Variants in SPAG16 observed in about 807,000 individuals in gnomAD.
The protein encoded by SPAG16 is sperm associated antigen 16.
In SPAG16, 86 loss-of-function variants were observed where a neutral mutation model predicts 80.4. The ratio of observed to expected loss-of-function variants is 1.07; its 90% CI spans 0.90 to 1.28. SPAG16 has a LOEUF of 1.28. SPAG16 is among the 50% of genes most tolerant of loss of function. The pLI is 0.00. For missense variants in SPAG16, 870 were observed against 765.3 expected (o/e 1.14, Z -1.61); for synonymous variants, 294 against 265.9 (o/e 1.11, Z -1.03).
chr2:214,005,536 G>T (rs933686407), intron 12 of SPAG16, among the ~76,000 whole-genome samples: 2 of 152,154 alleles, frequency 1.3e-5, no homozygotes, highest in African/African-American at 4.8e-5. Flanking sequence ...GAGATGCTCA[G>T]ACCACGTGAT....
intron 10 of SPAG16, among the ~76,000 whole-genome samples, chr2:213,703,909 T>C (rs79649105): frequency 0.025 from 3,814 of 152,320 alleles, 70 homozygotes; most frequent in Middle Eastern, 0.041. Context: ...TTCACAGATA[T>C]TACCTTCCAA....
At position 214,255,749 on chromosome 2, in the gene SPAG16, T is replaced by A. The variant is rs180835980; in HGVS notation, c.1720+106483T>A. The stretch of plus-strand genomic sequence containing the variant: ...TGACTACAGTAAAGCTGCAAATAAA[T>A]GGAATCTTTTGTGTAAGATTTCTTC... On this transcript the variant is annotated intron_variant, in intron 15 of 15. Coordinates refer to ENST00000331683, the MANE Select transcript of SPAG16 (RefSeq NM_024532.5). 2.3e-3 allele frequency among the ~76,000 whole-genome samples: 352 copies of A among 152,114 alleles called. 6 individuals carry two copies. Among genetic ancestry groups the A allele is most frequent in the African/African-American group, 8.0e-3 (333 of 41,558 alleles).
At chr2:214,373,982 G>GC (rs1416169756) in intron 15 of SPAG16, among the ~76,000 whole-genome samples, 1 of 152,168 alleles carries the variant, frequency 6.6e-6, no homozygotes, top group African/African-American at 2.4e-5. Context: ...TTATCCCTGA[G>GC]CTTGTCAGTC....
At chr2:213,675,707 G>A (rs915434002) in intron 10 of SPAG16, among the ~76,000 whole-genome samples, 29 of 151,960 alleles carry the variant, frequency 1.9e-4, no homozygotes, top group Middle Eastern at 3.4e-3. Flanking sequence ...GATTTGTGGC[G>A]TTATTTCTGA....
chr2:214,291,600 C>G, intron 15 of SPAG16, among the ~76,000 whole-genome samples: 1 of 152,094 alleles, frequency 6.6e-6, no homozygotes, highest in Non-Finnish European at 1.5e-5. Flanking sequence ...CCACCGCGCC[C>G]GGCCTAGATC....
chr2:213,624,980 G>A (rs921466011), intron 10 of SPAG16, among the ~76,000 whole-genome samples: 5 of 151,916 alleles, frequency 3.3e-5, no homozygotes, highest in South Asian at 2.1e-4. Context: ...TAGTAGAGGC[G>A]GGGTTTCACC....
At chr2:213,626,142 G>T (rs969702659) in intron 10 of SPAG16, among the ~76,000 whole-genome samples, 4 of 152,082 alleles carry the variant, frequency 2.6e-5, no homozygotes, top group African/African-American at 7.2e-5. Flanking sequence ...TGAGGCAGAA[G>T]TTCCATACAA....
At chr2:213,606,571 A>C (rs1433952742) in intron 10 of SPAG16, among the ~76,000 whole-genome samples, 1 of 152,236 alleles carries the variant, frequency 6.6e-6, no homozygotes, top group Non-Finnish European at 1.5e-5. Context: ...TGTGGCATGC[A>C]CATTCTTGTA....
chr2:214,168,708 T>C (rs2056760585), intron 15 of SPAG16, among the ~76,000 whole-genome samples: 1 of 152,050 alleles, frequency 6.6e-6, no homozygotes, highest in African/African-American at 2.4e-5. Flanking sequence ...AGGCAGACCA[T>C]TAGTTAAAAA....
intron 10 of SPAG16, among the ~76,000 whole-genome samples, chr2:213,617,373 C>G (rs577857264): frequency 6.6e-6 from 1 of 152,096 alleles, no homozygotes; most frequent in Admixed American, 6.5e-5. Context: ...AGGAGTTTGA[C>G]ACTTGTTCCC....
At chr2:214,381,420 T>TA (rs1338344675) in intron 15 of SPAG16, among the ~76,000 whole-genome samples, 8 of 152,210 alleles carry the variant, frequency 5.3e-5, no homozygotes, top group African/African-American at 1.9e-4. Context: ...ATATAATTCA[T>TA]AAAGATGTTG....
intron 13 of SPAG16, among the ~76,000 whole-genome samples, chr2:214,100,906 G>GA (rs1199306994): frequency 2.6e-5 from 4 of 151,258 alleles, no homozygotes; most frequent in Non-Finnish European, 5.9e-5. Flanking sequence ...AGCCTTGGAG[G>GA]AAAAAAAATG....
intron 10 of SPAG16, among the ~76,000 whole-genome samples, chr2:213,506,100 T>C (rs886672049): frequency 1.3e-5 from 2 of 152,060 alleles, no homozygotes; most frequent in Non-Finnish European, 2.9e-5. Flanking sequence ...TAAGTTACCT[T>C]CTAGAATTAA....
At chr2:213,463,324 C>A (rs191034263) in intron 9 of SPAG16, among the ~76,000 whole-genome samples, 5 of 152,342 alleles carry the variant, frequency 3.3e-5, no homozygotes, top group Admixed American at 2.0e-4. Context: ...AAGCCAGCTG[C>A]AGAAATTTGC....
intron 11 of SPAG16, among the ~76,000 whole-genome samples, chr2:213,910,944 C>G (rs2077636138): frequency 6.6e-6 from 1 of 151,972 alleles, no homozygotes; most frequent in South Asian, 2.1e-4. Context: ...TATGCAGAGC[C>G]AGAATGAGAA....
chr2:213,750,975 G>A lies in SPAG16; in HGVS notation c.1071-111510G>A, dbSNP rs183771452. ...GACCCTCACAGTTGTTCTGTTAAAT[G>A]CAATGTAAAGTCTGTTTTCAGCCTT... is the stretch of plus-strand genomic sequence containing the variant. On this transcript the variant is annotated intron_variant, in intron 10 of 15. Coordinates refer to ENST00000331683, the MANE Select transcript of SPAG16 (RefSeq NM_024532.5). Among the ~76,000 whole-genome samples, 124 of 152,164 alleles carry A rather than the reference G, an allele frequency of 8.1e-4. 1 individual carries two copies. In the South Asian group the frequency reaches 0.013, roughly 16 times the overall value.
chr2:213,871,915 A>G (rs2105989671), intron 11 of SPAG16, among the ~76,000 whole-genome samples: 1 of 151,948 alleles, frequency 6.6e-6, no homozygotes, highest in African/African-American at 2.4e-5. Flanking sequence ...AGCAGTAAAA[A>G]CAAACCTTAG....
intron 10 of SPAG16, among the ~76,000 whole-genome samples, chr2:213,853,171 G>A (rs1404207235): frequency 6.6e-6 from 1 of 152,214 alleles, no homozygotes; most frequent in African/African-American, 2.4e-5. Context: ...CATTTACAAT[G>A]TTGAATAACC....
chr2:214,148,534 A>G (rs1302428448), intron 14 of SPAG16, among the ~76,000 whole-genome samples: 5 of 152,150 alleles, frequency 3.3e-5, no homozygotes, highest in Non-Finnish European at 5.9e-5. Context: ...ACAGACTACA[A>G]TAGGCACCAT....
Sources: allele counts gnomAD v4.1 joint callset (sites outside exome capture counted in the v4.1 genomes callset), GRCh38; gene constraint gnomAD v4.1.1; transcripts MANE v1.5; gene names NCBI Gene and HGNC (gene_info 2026-07-23, HGNC 2026-07-21).